The following NCALD variants were observed in gnomAD, a reference collection of about 807,000 sequenced individuals.
NCALD encodes the protein neurocalcin delta.
In NCALD, 10 loss-of-function variants were observed where a neutral mutation model predicts 18.6. That is an observed-to-expected ratio of 0.54 (90% CI 0.33 to 0.91). The LOEUF (loss-of-function observed/expected upper bound fraction) is 0.91, where lower values mean the gene tolerates loss of function less well. Ranked by LOEUF, NCALD falls within the 40% of genes least tolerant of loss-of-function variation. NCALD has a pLI of 0.03. For synonymous variants in NCALD, 88 were observed against 87.4 expected, an observed-to-expected ratio of 1.01 and a Z score of -0.04; for missense variants, 184 against 247.6, an observed-to-expected ratio of 0.74 and a Z score of 1.72.
chr8:101,951,372 G>A (rs1446931246), intron 2 of NCALD, among the ~76,000 whole-genome samples: 1 of 152,212 alleles, frequency 6.6e-6, no homozygotes, highest in Non-Finnish European at 1.5e-5. Flanking sequence ...GGCAACTGGA[G>A]CACCTTCAGC....
At chr8:101,831,050 T>C (rs1209936247) in intron 4 of NCALD, among the ~76,000 whole-genome samples, 1 of 152,120 alleles carries the variant, frequency 6.6e-6, no homozygotes, top group African/African-American at 2.4e-5. Flanking sequence ...GTGTACATGA[T>C]GTGGGGCTGT....
intron 2 of NCALD, among the ~76,000 whole-genome samples, chr8:101,944,061 G>C (rs1339104203): frequency 6.6e-6 from 1 of 152,166 alleles, no homozygotes; most frequent in Non-Finnish European, 1.5e-5. Context: ...CAGCAGCCTA[G>C]TATTGATATT....
intron 2 of NCALD, among the ~76,000 whole-genome samples, chr8:101,972,648 G>A (rs1820284420): frequency 6.6e-6 from 1 of 152,158 alleles, no homozygotes; most frequent in East Asian, 1.9e-4. Flanking sequence ...GCACTGAATT[G>A]GAAGTTACTT....
rs547017887 is a variant in NCALD at position 101,798,422 on chromosome 8, C to T, written c.-19-78774G>A. Among the ~76,000 whole-genome samples, 3 of 152,100 alleles carry T rather than the reference C, an allele frequency of 2.0e-5. No homozygotes were observed. The South Asian group carries it at 6.2e-4, about 32-fold the overall frequency. ...CAGTGCCATTTACAACTGCTCAAAC[C>T]CAAATGAAATAAGTATAAATCTAAC... is the stretch of plus-strand genomic sequence containing the variant. On this transcript the variant is annotated intron_variant, in intron 4 of 6. Coordinates refer to the NCALD transcript ENST00000311028.
Position 101,965,320 on chromosome 8 carries a change from T to C in NCALD, c.-156-49462A>G, listed in dbSNP as rs544454300. 2.6e-5 allele frequency among the ~76,000 whole-genome samples: 4 copies of C among 152,316 alleles called. No homozygotes were observed. In the East Asian group the frequency reaches 5.8e-4, roughly 22 times the overall value. On this transcript the variant is annotated intron_variant, in intron 2 of 6. Transcript: ENST00000311028. ...CTGTAAAGATACATGCATACATATG[T>C]TTATTGCAGCACTGTTCACAATAGC...
chr8:101,763,964 CT>C (rs1778196670), intron 1 of NCALD, among the ~76,000 whole-genome samples: 1 of 110,664 alleles, frequency 9.0e-6, no homozygotes, highest in East Asian at 2.7e-4. Flanking sequence ...CTCTCTCTCT[CT>C]CCACACACAC....
chr8:101,805,873 G>A (rs944027315), intron 4 of NCALD, among the ~76,000 whole-genome samples: 3 of 152,122 alleles, frequency 2.0e-5, no homozygotes, highest in East Asian at 1.9e-4. Flanking sequence ...AATATCAACC[G>A]CCAGAACTTC....
chr8:101,763,554 G>T (rs1052917517), intron 1 of NCALD, among the ~76,000 whole-genome samples: 1 of 152,132 alleles, frequency 6.6e-6, no homozygotes, highest in African/African-American at 2.4e-5. Context: ...GGGCCACAGG[G>T]TGTCGGATAT....
chr8:101,987,508 T>C (rs975126781), intron 2 of NCALD, among the ~76,000 whole-genome samples: 1 of 152,176 alleles, frequency 6.6e-6, no homozygotes, highest in Non-Finnish European at 1.5e-5. Context: ...GGCCACCTAA[T>C]TGGCATATCC....
At chr8:101,865,197 T>C (rs1470125592) in intron 4 of NCALD, among the ~76,000 whole-genome samples, 1 of 152,196 alleles carries the variant, frequency 6.6e-6, no homozygotes, top group Non-Finnish European at 1.5e-5. Flanking sequence ...CTAATTTCAT[T>C]GTAGCCAAAG....
At chr8:101,696,147 C>A (rs529593608) in intron 2 of NCALD, among the ~76,000 whole-genome samples, 1 of 152,268 alleles carries the variant, frequency 6.6e-6, no homozygotes, top group Non-Finnish European at 1.5e-5. Context: ...GATCCATAGA[C>A]CCCAGGTCAT....
intron 4 of NCALD, among the ~76,000 whole-genome samples, chr8:101,863,542 TC>T (rs1815632730): frequency 6.6e-6 from 1 of 152,192 alleles, no homozygotes; most frequent in African/African-American, 2.4e-5. Flanking sequence ...GGCATTCCAT[TC>T]TGTGGTTGGT....
chr8:102,033,409 G>A (rs1822751839), intron 1 of NCALD, among the ~76,000 whole-genome samples: 1 of 152,042 alleles, frequency 6.6e-6, no homozygotes. Flanking sequence ...TATAATACAT[G>A]GGTCAGAGAA....
At chr8:102,024,034 G>T (rs549099428) in intron 1 of NCALD, among the ~76,000 whole-genome samples, 1 of 152,292 alleles carries the variant, frequency 6.6e-6, no homozygotes, top group South Asian at 2.1e-4. Flanking sequence ...GATTTGACAA[G>T]TGCTGAATCT....
Position 102,086,150 on chromosome 8 carries a change from A to G in NCALD, c.-210+38087T>C, listed in dbSNP as rs1465402160. On this transcript the variant is annotated intron_variant, in intron 1 of 6. Transcript: ENST00000311028. Reference sequence around the variant, plus strand: ...GAAATTAAAAAAGCTAACAATTCTCATACAGTCAAGGAAAACATCACTTGA... The same window carrying G: ...GAAATTAAAAAAGCTAACAATTCTCGTACAGTCAAGGAAAACATCACTTGA... 2.6e-5 allele frequency among the ~76,000 whole-genome samples: 4 copies of G among 152,316 alleles called. No homozygotes were observed. In the East Asian group the frequency reaches 7.7e-4, roughly 29 times the overall value.
At chr8:102,049,958 C>T (rs567732808) in intron 1 of NCALD, among the ~76,000 whole-genome samples, 29 of 150,066 alleles carry the variant, frequency 1.9e-4, no homozygotes, top group Non-Finnish European at 2.8e-4. Flanking sequence ...GTCAGGAGAT[C>T]GAGACCATCC....
At chr8:101,699,192 G>A (rs929975439) in intron 2 of NCALD, among the ~76,000 whole-genome samples, 3 of 152,056 alleles carry the variant, frequency 2.0e-5, no homozygotes, top group Non-Finnish European at 4.4e-5. Context: ...AGAGAAATGC[G>A]AATCAAAACC....
At chr8:101,931,293 T>C (rs191955051) in intron 2 of NCALD, among the ~76,000 whole-genome samples, 84 of 152,330 alleles carry the variant, frequency 5.5e-4, no homozygotes, top group East Asian at 1.7e-3. Context: ...TATCATTCAT[T>C]TGAGCAAGAA....
chr8:101,836,543 C>A (rs892516173), intron 4 of NCALD, among the ~76,000 whole-genome samples: 3 of 152,128 alleles, frequency 2.0e-5, no homozygotes, highest in South Asian at 2.1e-4. Flanking sequence ...TAAGGATTAG[C>A]CCCCACACCC....
Sources: allele counts gnomAD v4.1 joint callset (sites outside exome capture counted in the v4.1 genomes callset), GRCh38; gene constraint gnomAD v4.1.1; transcripts MANE v1.5; gene names NCBI Gene and HGNC (gene_info 2026-07-23, HGNC 2026-07-21).